The following PMM2 variants were observed in gnomAD, a reference collection of about 807,000 sequenced individuals.
The protein encoded by PMM2 is mannose-6-phosphate isomerase.
Under a neutral mutation model 33.2 loss-of-function variants are expected in PMM2, and 35 were observed. The observed-to-expected ratio is 1.06, with a 90% confidence interval of 0.81 to 1.40. The LOEUF (loss-of-function observed/expected upper bound fraction) is 1.40. Among genes scored for constraint, PMM2 ranks in the 40% most tolerant of loss-of-function variants. PMM2 has a pLI of 0.00. For synonymous variants in PMM2, 153 were observed against 114.7 expected, an observed-to-expected ratio of 1.33 and a Z score of -2.13; for missense variants, 386 against 306.0, an observed-to-expected ratio of 1.26 and a Z score of -1.95.
Position 8,811,143 on chromosome 16 carries a change from C to G in PMM2, c.412C>G (p.Gln138Glu), listed in dbSNP as rs546281144. The G allele has an allele frequency of 2.5e-5, 39 of 1,576,222 alleles. No homozygotes were observed. In the South Asian group the frequency reaches 4.5e-4, roughly 18 times the overall value. The change falls in exon 5 of 8, where the codon CAA becomes GAA. Residue 138 changes from glutamine to glutamate, a missense_variant. Transcript: ENST00000268261. ...GTCCCCTATTGGAAGAAGCTGCAGC[C>G]AAGAAGAACGCATTGAGTTCTACGA... ...NVSPIGRSCS[Q>E]EERIEFYELD...
In PMM2 at chr16:8,828,927, G is replaced by C. The variant is rs946327371; in HGVS notation, c.639+15821G>C. On this transcript the variant is annotated intron_variant, in intron 7 of 7. Coordinates refer to ENST00000268261, the MANE Select transcript of PMM2 (RefSeq NM_000303.3). ...TCCTAAGTCACTGAGTGAGGAGAGA[G>C]GATGTGTGATTCATCTGAGGCATGT... Among the ~76,000 whole-genome samples, 7 of 152,312 alleles carry C rather than the reference G, an allele frequency of 4.6e-5. 1 individual carries two copies. In the South Asian group the frequency reaches 1.5e-3, roughly 32 times the overall value.
At chr16:8,827,790 A>ATTG (rs2060781102) in intron 7 of PMM2, among the ~76,000 whole-genome samples, 1 of 56,360 alleles carries the variant, frequency 1.8e-5, no homozygotes, top group Admixed American at 1.9e-4. Context: ...ATATTTATAT[A>ATTG]TATTTATACA....
intron 7 of PMM2, among the ~76,000 whole-genome samples, chr16:8,834,115 C>G (rs138536259): frequency 1.3e-5 from 2 of 152,158 alleles, no homozygotes; most frequent in Non-Finnish European, 2.9e-5. Flanking sequence ...TATACAGGAG[C>G]TTACATGGGC....
At chr16:8,821,452 G>C (rs998549461) in intron 7 of PMM2, among the ~76,000 whole-genome samples, 12 of 152,230 alleles carry the variant, frequency 7.9e-5, no homozygotes, top group Admixed American at 3.3e-4. Flanking sequence ...CCCACAGAGT[G>C]AGCATCCCTG....
Position 8,848,655 on chromosome 16 carries a change from C to CGCGGGATGTCAGACTTAAAA in PMM2, c.*846_*847insAAAAGCGGGATGTCAGACTT, listed in dbSNP as rs1473887777. 4.3e-4 allele frequency: 65 copies of CGCGGGATGTCAGACTTAAAA among 152,384 alleles called. No individual in the cohort carries two copies. The highest frequency in any genetic ancestry group is 1.5e-3 in the African/African-American group (63 of 41,594). The allele number at this position is 152,384 out of a possible 1,614,324, so 9.4% of individuals were successfully genotyped here. ...TCTTACCCAGGTCCAGAGAAACCAA[C>CGCGGGATGTCAGACTTAAAA]GCGGGATGTCAGACTTCACCAAAAG... is the stretch of plus-strand genomic sequence containing the variant. On this transcript the variant is annotated 3_prime_UTR_variant, in exon 8 of 8. Coordinates refer to ENST00000268261, the MANE Select transcript of PMM2 (RefSeq NM_000303.3).
At chr16:8,828,812 G>T (rs962148099) in intron 7 of PMM2, among the ~76,000 whole-genome samples, 1 of 152,146 alleles carries the variant, frequency 6.6e-6, no homozygotes, top group Non-Finnish European at 1.5e-5. Flanking sequence ...TTTGGTTTGC[G>T]CTGTATCTCC....
chr16:8,842,883 T>C (rs751474882), intron 7 of PMM2, among the ~76,000 whole-genome samples: 15 of 151,996 alleles, frequency 9.9e-5, no homozygotes, highest in East Asian at 5.8e-4. Context: ...GGGATGGTAA[T>C]GGGCATGTGA....
At chr16:8,818,557 G>A (rs2141027944) in intron 7 of PMM2, among the ~76,000 whole-genome samples, 1 of 152,288 alleles carries the variant, frequency 6.6e-6, no homozygotes, top group Admixed American at 6.5e-5. Context: ...CGGCGTCCAG[G>A]GAAGTGATCC....
intron 7 of PMM2, among the ~76,000 whole-genome samples, chr16:8,824,245 C>G (rs1434245429): frequency 6.6e-6 from 1 of 152,124 alleles, no homozygotes; most frequent in Non-Finnish European, 1.5e-5. Context: ...TTTTTTTCCT[C>G]CATTCCAATG....
intron 7 of PMM2, chr16:8,833,029 G>C: frequency 2.2e-6 from 1 of 459,498 alleles, no homozygotes; most frequent in Non-Finnish European, 2.9e-6. Flanking sequence ...GCAATGCCTG[G>C]CGGGTAGAGG....
chr16:8,832,104 C>A (rs1291293234), intron 7 of PMM2: 4 of 982,410 alleles, frequency 4.1e-6, no homozygotes, highest in Non-Finnish European at 4.8e-6. Context: ...TTGGGGTCCG[C>A]TTCACTTGCT....
chr16:8,830,791 C>T (rs2060805091), intron 7 of PMM2, among the ~76,000 whole-genome samples: 1 of 152,206 alleles, frequency 6.6e-6, no homozygotes, highest in Non-Finnish European at 1.5e-5. Context: ...GCAGACTGGT[C>T]CCCAGGCAAG....
intron 7 of PMM2, among the ~76,000 whole-genome samples, chr16:8,843,131 C>T (rs2060901295): frequency 6.6e-6 from 1 of 152,100 alleles, no homozygotes; most frequent in Non-Finnish European, 1.5e-5. Flanking sequence ...TCTAAGTTGG[C>T]ACCAGAGTTG....
chr16:8,817,285 G>T (rs1169861223), intron 7 of PMM2, among the ~76,000 whole-genome samples: 6 of 152,206 alleles, frequency 3.9e-5, no homozygotes, highest in Non-Finnish European at 7.3e-5. Flanking sequence ...TGCTTTCAGT[G>T]CAGGCTTTGA....
intron 7 of PMM2, among the ~76,000 whole-genome samples, chr16:8,818,622 C>T (rs2060720682): frequency 6.6e-6 from 1 of 152,224 alleles, no homozygotes; most frequent in African/African-American, 2.4e-5. Flanking sequence ...TGAGGCTTAG[C>T]AGCCTCTTCC....
chr16:8,809,481 CAG>C (rs1299561754), intron 4 of PMM2: 1 of 151,880 alleles, frequency 6.6e-6, no homozygotes, highest in African/African-American at 2.4e-5. Flanking sequence ...TTTTTTGAGA[CAG>C]AGTCTGTCTC....
At chr16:8,811,316 G>C (rs996565117) in intron 5 of PMM2, 138 bp downstream of exon 5, 1 of 713,686 alleles carries the variant, frequency 1.4e-6, no homozygotes, top group African/African-American at 1.7e-5. Flanking sequence ...AGGAGTTCAA[G>C]ACCAGCCTAG....
intron 2 of PMM2, among the ~76,000 whole-genome samples, chr16:8,803,311 C>T (rs1398076310): frequency 1.3e-5 from 2 of 152,080 alleles, no homozygotes; most frequent in Non-Finnish European, 2.9e-5. Flanking sequence ...ATGCTATAAA[C>T]CGCATACTGG....
At chr16:8,817,621 C>G (rs2060715335) in intron 7 of PMM2, among the ~76,000 whole-genome samples, 1 of 152,154 alleles carries the variant, frequency 6.6e-6, no homozygotes, top group African/African-American at 2.4e-5. Context: ...CATTGCATTA[C>G]CATGCCTGGA....
Sources: gnomAD v4.1 joint callset for allele counts (sites outside exome capture counted in the v4.1 genomes callset) on GRCh38, gnomAD v4.1.1 for gene constraint, MANE v1.5 for transcripts, NCBI Gene and HGNC (gene_info 2026-07-23, HGNC 2026-07-21) for gene names.